Variants in CDK14 observed in about 807,000 individuals in gnomAD.
The protein encoded by CDK14 is cyclin dependent kinase 14.
CDK14 carries 34 observed loss-of-function variants against 60.7 expected under a neutral mutation model. The ratio of observed to expected loss-of-function variants is 0.56; its 90% confidence interval spans 0.43 to 0.75. The LOEUF (loss-of-function observed/expected upper bound fraction) is 0.75. Among genes scored for constraint, CDK14 ranks in the 30% least tolerant of loss-of-function variants. The pLI is 0.00. For missense variants in CDK14, 482 were observed against 564.1 expected (o/e 0.85, Z 1.47); for synonymous variants, 197 against 203.7 (o/e 0.97, Z 0.28).
intron 2 of CDK14, among the ~76,000 whole-genome samples, chr7:90,708,424 A>G (rs368284321): frequency 3.9e-5 from 6 of 152,200 alleles, no homozygotes; most frequent in Admixed American, 1.3e-4. Context: ...ATATAATTCA[A>G]TAGTTTTCAG....
rs147288951 is a variant in CDK14, at chr7:90,709,183, G to A, written c.124-17384G>A. On this transcript the variant is annotated intron_variant, in intron 2 of 14. Transcript: ENST00000380050. ...CTTTTTTTTTTTAACCACATATTTGGTGCGTGGTTATTTTAGACTTCTCAT... is the reference window on the plus strand; with the variant it reads ...CTTTTTTTTTTTAACCACATATTTGATGCGTGGTTATTTTAGACTTCTCAT... The A allele has an allele frequency of 7.1e-3, 1,656 of 232,650 alleles. 16 individuals carry two copies. Among genetic ancestry groups the A allele is most frequent in the South Asian group, 0.01 (67 of 6,422 alleles). The allele number at this position is 232,650 out of a possible 1,614,324, so 14.4% of individuals were successfully genotyped here.
chr7:90,596,571 T>C lies in CDK14; in HGVS notation c.-57T>C. On this transcript the variant is annotated 5_prime_UTR_variant, in exon 1 of 15. Transcript: ENST00000380050. ...TCCCCGCGGCGCGCGCCCTCGCCGT[T>C]GTCTGAGCTGTGCCTGGACCAGTTT... 5 of 1,479,410 alleles carry C rather than the reference T, an allele frequency of 3.4e-6. No homozygotes were observed. Among genetic ancestry groups the C allele is most frequent in the Non-Finnish European group, 4.7e-6 (5 of 1,063,722 alleles). The allele number at this position is 1,479,410 out of a possible 1,614,324, so 91.6% of individuals were successfully genotyped here. A position where few individuals can be genotyped will look rare whatever the true frequency, so the allele number is the denominator to read the frequency against.
intron 10 of CDK14, among the ~76,000 whole-genome samples, chr7:91,015,711 T>A (rs1196462330): frequency 1.3e-5 from 2 of 151,574 alleles, no homozygotes; most frequent in Non-Finnish European, 2.9e-5. Context: ...GTATTTTTTT[T>A]AGTAGAGATG....
intron 14 of CDK14, among the ~76,000 whole-genome samples, chr7:91,191,109 C>T (rs1421055499): frequency 1.3e-5 from 2 of 152,142 alleles, no homozygotes; most frequent in African/African-American, 2.4e-5. Flanking sequence ...CAAGGCCACA[C>T]GACCCCACTT....
At chr7:90,927,185 C>G (rs1304255783) in intron 8 of CDK14, among the ~76,000 whole-genome samples, 1 of 152,124 alleles carries the variant, frequency 6.6e-6, no homozygotes, top group Admixed American at 6.5e-5. Flanking sequence ...GCCCCTTGCC[C>G]CTCCCTGGAG....
At chr7:91,138,575 G>T (rs966314879) in intron 14 of CDK14, among the ~76,000 whole-genome samples, 3 of 152,046 alleles carry the variant, frequency 2.0e-5, no homozygotes, top group Non-Finnish European at 4.4e-5. Flanking sequence ...ATATATATTT[G>T]CATTCTCTTT....
Position 90,649,049 on chromosome 7 carries a change from C to CTT in CDK14, c.123+44802_123+44803dup, listed in dbSNP as rs1800529578. Among the ~76,000 whole-genome samples the CTT allele has an allele frequency of 3.3e-5, 5 of 152,044 alleles. No individual in the cohort carries two copies. In the South Asian group the frequency reaches 1.0e-3, roughly 32 times the overall value. The stretch of plus-strand genomic sequence containing the variant: ...TCAACTTCAACCTCTCCATTTTATA[C>CTT]TTTGTTTTGTGAGGCTGGGGTTGGA... On this transcript the variant is annotated intron_variant, in intron 2 of 14. Transcript: ENST00000380050.
intron 14 of CDK14, among the ~76,000 whole-genome samples, chr7:91,205,806 AT>A (rs1208709510): frequency 6.6e-6 from 1 of 151,518 alleles, no homozygotes; most frequent in East Asian, 1.9e-4. Flanking sequence ...TATTTTTTTT[AT>A]TTTTTTGAGA....
intron 14 of CDK14, among the ~76,000 whole-genome samples, chr7:91,130,403 G>C (rs535670892): frequency 6.6e-6 from 1 of 152,218 alleles, no homozygotes; most frequent in Non-Finnish European, 1.5e-5. Flanking sequence ...AGTATCAGCA[G>C]CTACAAACCA....
chr7:91,016,315 A>G (rs1435434719), intron 10 of CDK14, among the ~76,000 whole-genome samples: 10 of 151,756 alleles, frequency 6.6e-5, no homozygotes, highest in Admixed American at 6.6e-4. Context: ...CTCTCATTTT[A>G]CCATGATTTT....
intron 8 of CDK14, among the ~76,000 whole-genome samples, chr7:90,954,073 G>C (rs533164071): frequency 6.6e-6 from 1 of 152,096 alleles, no homozygotes; most frequent in Non-Finnish European, 1.5e-5. Context: ...GGTATAATCT[G>C]TACATTTTAA....
In CDK14 at chr7:90,920,774, T is replaced by C. The variant is rs115533618; in HGVS notation, c.826+3050T>C. On this transcript the variant is annotated intron_variant, in intron 8 of 14. Coordinates refer to ENST00000380050, the MANE Select transcript of CDK14 (RefSeq NM_001287135.2). The stretch of plus-strand genomic sequence containing the variant: ...GTACAAAAATATGCATCACATAATT[T>C]AAAGAACACTTTGTCATTTGACTAA... Among the ~76,000 whole-genome samples the C allele has an allele frequency of 7.9e-3, 1,196 of 152,334 alleles. 13 individuals are homozygous for C. The highest frequency in any genetic ancestry group is 0.027 in the African/African-American group (1,103 of 41,588).
intron 11 of CDK14, among the ~76,000 whole-genome samples, chr7:91,049,361 T>C (rs1797327508): frequency 6.6e-6 from 1 of 152,238 alleles, no homozygotes; most frequent in Non-Finnish European, 1.5e-5. Flanking sequence ...GAAAAGCCCA[T>C]GGTGTTTTTA....
intron 11 of CDK14, among the ~76,000 whole-genome samples, chr7:91,071,771 G>A (rs1399308375): frequency 6.6e-6 from 1 of 152,176 alleles, no homozygotes; most frequent in East Asian, 1.9e-4. Flanking sequence ...AAGCTCCCAG[G>A]GCGGGGTAAG....
chr7:90,865,468 G>A (rs1441846476), intron 6 of CDK14, among the ~76,000 whole-genome samples: 1 of 152,100 alleles, frequency 6.6e-6, no homozygotes, highest in Non-Finnish European at 1.5e-5. Flanking sequence ...TTAATGGATG[G>A]TTTTAATCAG....
intron 8 of CDK14, among the ~76,000 whole-genome samples, chr7:90,939,313 A>G (rs1390531393): frequency 6.6e-6 from 1 of 152,234 alleles, no homozygotes; most frequent in Non-Finnish European, 1.5e-5. Context: ...CAGATGTAAG[A>G]TTTCTTACTG....
intron 4 of CDK14, among the ~76,000 whole-genome samples, chr7:90,775,213 C>T (rs1804967386): frequency 6.6e-6 from 1 of 152,158 alleles, no homozygotes; most frequent in South Asian, 2.1e-4. Flanking sequence ...TCTGATTTAT[C>T]TGCTTTTCTT....
At chr7:90,951,392 T>A (rs1355199661) in intron 8 of CDK14, among the ~76,000 whole-genome samples, 1 of 152,168 alleles carries the variant, frequency 6.6e-6, no homozygotes, top group African/African-American at 2.4e-5. Context: ...TCTGAAGTAA[T>A]GAAAGATACT....
intron 5 of CDK14, among the ~76,000 whole-genome samples, chr7:90,850,625 GTC>G (rs528069595): frequency 1.6e-4 from 24 of 152,146 alleles, no homozygotes; most frequent in Admixed American, 3.3e-4. Flanking sequence ...AAAGGACAAT[GTC>G]TCCTAATTTT....
Sources: gnomAD v4.1 joint callset for allele counts (sites outside exome capture counted in the v4.1 genomes callset) on GRCh38, gnomAD v4.1.1 for gene constraint, MANE v1.5 for transcripts, NCBI Gene and HGNC (gene_info 2026-07-23, HGNC 2026-07-21) for gene names.